MACROD2: variants seen among roughly 807,000 people sequenced by gnomAD.
The protein encoded by MACROD2 is ADP-ribose glycohydrolase MACROD2.
In MACROD2, 36 loss-of-function variants were observed where a neutral mutation model predicts 70.4. The ratio of observed to expected loss-of-function variants is 0.51; its 90% CI spans 0.39 to 0.68. The LOEUF is 0.68. Ranked by LOEUF, MACROD2 falls within the 30% of genes least tolerant of loss-of-function variation. The pLI is 0.00. For synonymous variants in MACROD2, 172 were observed against 178.8 expected (o/e 0.96, Z 0.30); for missense variants, 496 against 538.4 (o/e 0.92, Z 0.78).
intron 7 of MACROD2, among the ~76,000 whole-genome samples, chr20:15,480,667 A>G (rs568818660): frequency 6.6e-6 from 1 of 152,212 alleles, no homozygotes; most frequent in East Asian, 1.9e-4. Context: ...GGAGGATGGG[A>G]CATTGGGAGA....
intron 5 of MACROD2, among the ~76,000 whole-genome samples, chr20:15,118,524 T>C (rs1428505317): frequency 1.4e-4 from 21 of 152,240 alleles, no homozygotes; most frequent in Admixed American, 1.2e-3. Context: ...TATTACTGAT[T>C]GGACTTTCTT....
intron 3 of MACROD2, among the ~76,000 whole-genome samples, chr20:14,191,674 A>G (rs1299081221): frequency 6.6e-6 from 1 of 152,236 alleles, no homozygotes; most frequent in East Asian, 1.9e-4. Context: ...ATGGCACTTG[A>G]GCAGGGACCT....
In MACROD2 at chr20:15,314,102, T is replaced by C. The variant is rs138711180; in HGVS notation, c.540+84041T>C. On this transcript the variant is annotated intron_variant, in intron 6 of 17. Transcript: ENST00000684519. ...TAGGACCAGTAAGTTTTACCCAGTGTCCTGTTGAAATTTACATGGTGAGTG... is the reference window on the plus strand; with the variant it reads ...TAGGACCAGTAAGTTTTACCCAGTGCCCTGTTGAAATTTACATGGTGAGTG... Among the ~76,000 whole-genome samples, 583 of 152,242 alleles carry C rather than the reference T, an allele frequency of 3.8e-3. 8 individuals are homozygous for C. Among genetic ancestry groups the C allele is most frequent in the Admixed American group, 0.033 (507 of 15,288 alleles).
chr20:14,006,717 C>A (rs1039658513), intron 2 of MACROD2, among the ~76,000 whole-genome samples: 3 of 152,006 alleles, frequency 2.0e-5, no homozygotes, highest in Non-Finnish European at 4.4e-5. Context: ...CTTTCTCTGT[C>A]CTTTTTTCCT....
chr20:15,512,353 T>G (rs1382210905), intron 8 of MACROD2, among the ~76,000 whole-genome samples: 1 of 152,254 alleles, frequency 6.6e-6, no homozygotes, highest in East Asian at 1.9e-4. Context: ...TTTAGTATAT[T>G]CCCAATATCC....
At chr20:15,520,999 G>C (rs1488600029) in intron 8 of MACROD2, among the ~76,000 whole-genome samples, 2 of 152,134 alleles carry the variant, frequency 1.3e-5, no homozygotes, top group African/African-American at 4.8e-5. Context: ...ATGGCAAGTG[G>C]GTGTTTAAAC....
At chr20:15,568,626 G>C (rs2048339253) in intron 8 of MACROD2, among the ~76,000 whole-genome samples, 1 of 152,154 alleles carries the variant, frequency 6.6e-6, no homozygotes, top group Non-Finnish European at 1.5e-5. Context: ...ATGGCCCTTT[G>C]ATCAGAGCTA....
chr20:14,986,630 A>C (rs987060053), intron 5 of MACROD2, among the ~76,000 whole-genome samples: 1 of 152,174 alleles, frequency 6.6e-6, no homozygotes, highest in Non-Finnish European at 1.5e-5. Flanking sequence ...AAACTTTTGA[A>C]AGCAGAAAAA....
intron 5 of MACROD2, among the ~76,000 whole-genome samples, chr20:14,945,725 C>T (rs1351514461): frequency 6.6e-6 from 1 of 151,998 alleles, no homozygotes; most frequent in Non-Finnish European, 1.5e-5. Flanking sequence ...ATGTGACTGT[C>T]CTGTGATAGC....
intron 5 of MACROD2, among the ~76,000 whole-genome samples, chr20:14,890,209 G>C (rs889780161): frequency 1.4e-4 from 22 of 152,154 alleles, no homozygotes; most frequent in East Asian, 7.8e-4. Flanking sequence ...CTGGGCAAGA[G>C]ATACAACTTG....
chr20:15,525,155 G>A (rs564315211), intron 8 of MACROD2, among the ~76,000 whole-genome samples: 10 of 152,176 alleles, frequency 6.6e-5, no homozygotes, highest in Non-Finnish European at 1.3e-4. Context: ...GTTTGGTGAT[G>A]ATGTTTGGTC....
At chr20:14,579,916 C>A (rs149674169) in intron 4 of MACROD2, among the ~76,000 whole-genome samples, 1 of 152,210 alleles carries the variant, frequency 6.6e-6, no homozygotes, top group African/African-American at 2.4e-5. Flanking sequence ...GAAAGTCCCT[C>A]ATCTTGGAGG....
At chr20:14,727,123 G>A (rs2071539322) in intron 5 of MACROD2, among the ~76,000 whole-genome samples, 1 of 152,102 alleles carries the variant, frequency 6.6e-6, no homozygotes, top group Non-Finnish European at 1.5e-5. Context: ...AGGCTGAAAA[G>A]CATGCAGGAT....
chr20:15,358,078 G>A (rs1425177025), intron 6 of MACROD2, among the ~76,000 whole-genome samples: 1 of 152,110 alleles, frequency 6.6e-6, no homozygotes, highest in Non-Finnish European at 1.5e-5. Flanking sequence ...AAAGTGCTGG[G>A]ATTACAGGGG....
At chr20:15,270,823 A>C (rs929519169) in intron 6 of MACROD2, among the ~76,000 whole-genome samples, 1 of 151,472 alleles carries the variant, frequency 6.6e-6, no homozygotes, top group Non-Finnish European at 1.5e-5. Flanking sequence ...GATATGGAAA[A>C]CTCCTTTTCA....
chr20:14,761,837 C>CTGCAGGTG (rs1216606752), intron 5 of MACROD2, among the ~76,000 whole-genome samples: 1 of 152,154 alleles, frequency 6.6e-6, no homozygotes, highest in Admixed American at 6.5e-5. Context: ...ACTTTGCAAT[C>CTGCAGGTG]TGCAGGTGCT....
At chr20:14,249,453 GGTGGCTTTCCAAGA>G (rs2081993409) in intron 3 of MACROD2, among the ~76,000 whole-genome samples, 3 of 151,846 alleles carry the variant, frequency 2.0e-5, no homozygotes, top group Admixed American at 6.6e-5. Context: ...GAGAAAAGAG[GGTGGCTTTCCAAGA>G]GATAGGCTTC....
chr20:15,250,113 G>T (rs2077141975), intron 6 of MACROD2, among the ~76,000 whole-genome samples: 1 of 152,164 alleles, frequency 6.6e-6, no homozygotes, highest in Non-Finnish European at 1.5e-5. Flanking sequence ...GTCCAGGAAG[G>T]TCATCATGCC....
chr20:15,475,960 A>T (rs1185456514), intron 7 of MACROD2, among the ~76,000 whole-genome samples: 1 of 152,250 alleles, frequency 6.6e-6, no homozygotes. Flanking sequence ...AGGGAAATAT[A>T]TTGCAAAAAA....
Sources: gnomAD v4.1 joint callset for allele counts (sites outside exome capture counted in the v4.1 genomes callset) on GRCh38, gnomAD v4.1.1 for gene constraint, MANE v1.5 for transcripts, NCBI Gene and HGNC (gene_info 2026-07-23, HGNC 2026-07-21) for gene names.